The following NMD3 variants were observed in gnomAD, a reference collection of about 807,000 sequenced individuals.
NMD3 encodes the protein 60S ribosomal export protein NMD3.
NMD3 carries 47 observed loss-of-function variants against 73.1 expected under a neutral mutation model. The observed-to-expected ratio is 0.64, with a 90% CI of 0.51 to 0.82. NMD3 has a LOEUF of 0.82. NMD3 is among the 40% of genes least tolerant of loss of function. The pLI is 0.00. For synonymous variants in NMD3, 210 were observed against 194.5 expected, an observed-to-expected ratio of 1.08 and a Z score of -0.66; for missense variants, 554 against 612.5, an observed-to-expected ratio of 0.90 and a Z score of 1.01.
Position 161,238,590 on chromosome 3 carries a change from A to T in NMD3, c.657-140A>T, listed in dbSNP as rs533503833. Reference sequence around the variant, plus strand: ...TTTTGACATGCAAGTGCAGGACAGTAGGTTTTACCAGAGGAGGCATCATGA... The same window carrying T: ...TTTTGACATGCAAGTGCAGGACAGTTGGTTTTACCAGAGGAGGCATCATGA... On this transcript the variant is annotated intron_variant, in intron 8 of 15. Transcript: ENST00000351193. 3 of 616,770 alleles carry T rather than the reference A, an allele frequency of 4.9e-6. No individual in the cohort carries two copies. The East Asian group carries it at 8.6e-5, about 18-fold the overall frequency. 38.2% of individuals were successfully genotyped at this position (616,770 alleles called of 1,614,324 possible). A position where few individuals can be genotyped will look rare whatever the true frequency, so the allele number is the denominator to read the frequency against.
chr3:161,251,084 G>T lies in NMD3; in HGVS notation c.*174G>T. On this transcript the variant is annotated 3_prime_UTR_variant, in exon 16 of 16. Transcript: ENST00000351193. The stretch of plus-strand genomic sequence containing the variant: ...ACCACTAAAACAGATGGATAGCTTT[G>T]AGGTTTTAGATAAGGAAAGATTATG... 1 of 493,862 alleles carries T rather than the reference G, an allele frequency of 2.0e-6. No homozygotes were observed. The allele number at this position is 493,862 out of a possible 1,614,324, so 30.6% of individuals were successfully genotyped here. A position where few individuals can be genotyped will look rare whatever the true frequency, so the allele number is the denominator to read the frequency against.
At chr3:161,225,632 C>T (rs1177237152) in intron 3 of NMD3, among the ~76,000 whole-genome samples, 1 of 152,110 alleles carries the variant, frequency 6.6e-6, no homozygotes, top group African/African-American at 2.4e-5. Flanking sequence ...TCAGCATAAA[C>T]AACTTACATC....
At chr3:161,223,719 A>C (rs1736197818) in intron 2 of NMD3, among the ~76,000 whole-genome samples, 1 of 152,220 alleles carries the variant, frequency 6.6e-6, no homozygotes, top group African/African-American at 2.4e-5. Flanking sequence ...CTTAGTATTT[A>C]GAGATGAGGT....
chr3:161,235,591 GAGTT>G (rs1736726825), intron 7 of NMD3, among the ~76,000 whole-genome samples: 1 of 152,202 alleles, frequency 6.6e-6, no homozygotes, highest in South Asian at 2.1e-4. Flanking sequence ...ACATTGAAAA[GAGTT>G]AGAAAGAAAG....
downstream of NMD3, chr3:161,252,935 C>A: frequency 1.9e-6 from 1 of 533,026 alleles, no homozygotes; most frequent in Non-Finnish European, 3.4e-6. Flanking sequence ...CCTGTCTCTA[C>A]TAAAAATGCA....
intron 2 of NMD3, chr3:161,222,928 G>C (rs1655681295): frequency 6.6e-6 from 1 of 152,380 alleles, no homozygotes; most frequent in South Asian, 2.1e-4. Flanking sequence ...AGTTAGCTCA[G>C]TGGGTTTGAA....
At chr3:161,235,241 T>C in intron 7 of NMD3, 29 bp downstream of exon 7, 2 of 1,082,198 alleles carry the variant, frequency 1.8e-6, no homozygotes, top group Non-Finnish European at 2.8e-6. Context: ...GCATTTGAAA[T>C]TATGTCAGAT....
rs149915236 is a variant in NMD3, at chr3:161,245,444, T to G, written c.1018-892T>G. ...AGAAAGTAAATCCTGTTAAATAAAA[T>G]GTAGTCTCCCTGTTAATTGACTTTT... On this transcript the variant is annotated intron_variant, in intron 11 of 15. Transcript: ENST00000351193. Among the ~76,000 whole-genome samples the G allele has an allele frequency of 7.2e-3, 1,102 of 152,050 alleles. 28 individuals carry two copies. Among genetic ancestry groups the G allele is most frequent in the Admixed American group, 0.043 (655 of 15,250 alleles).
intron 6 of NMD3, 81 bp downstream of exon 6, chr3:161,234,936 C>A: frequency 6.9e-7 from 1 of 1,444,164 alleles, no homozygotes; most frequent in South Asian, 1.2e-5. Flanking sequence ...TTTCTAAATC[C>A]AGGGATAGTC....
intron 9 of NMD3, among the ~76,000 whole-genome samples, 196 bp from the exon 10 acceptor site, chr3:161,240,850 T>G (rs529011374): frequency 1.4e-3 from 208 of 147,880 alleles, no homozygotes; most frequent in African/African-American, 4.9e-3. Flanking sequence ...TTTTTTTTTT[T>G]AAAGCATTTT....
At chr3:161,242,185 C>A (rs773224938) in intron 10 of NMD3, among the ~76,000 whole-genome samples, 10 of 152,048 alleles carry the variant, frequency 6.6e-5, no homozygotes, top group Non-Finnish European at 1.5e-4. Context: ...GTGACAGATA[C>A]GTTTCTAAAA....
chr3:161,233,343 T>G (rs527855766), intron 4 of NMD3, 56 bp from the exon 5 acceptor site: 14 of 1,222,472 alleles, frequency 1.1e-5, no homozygotes, highest in South Asian at 1.1e-4. Context: ...TTCTTTCGTG[T>G]TTTTTTTCCT....
At chr3:161,221,925 G>T in intron 1 of NMD3, 69 bp from the exon 2 acceptor site, 1 of 944,200 alleles carries the variant, frequency 1.1e-6, no homozygotes. Context: ...AAAAAGAGGA[G>T]ACTAGGTAAA....
At chr3:161,234,081 A>G (rs73160358) in intron 5 of NMD3, among the ~76,000 whole-genome samples, 36 of 152,092 alleles carry the variant, frequency 2.4e-4, no homozygotes, top group Non-Finnish European at 4.9e-4. Flanking sequence ...GTGATTTCTG[A>G]TCAGTTATGT....
intron 4 of NMD3, among the ~76,000 whole-genome samples, chr3:161,228,827 C>A (rs140943912): frequency 2.0e-5 from 3 of 152,160 alleles, no homozygotes; most frequent in Admixed American, 6.5e-5. Context: ...ATGCAGCGAT[C>A]AAAATAGGTG....
At chr3:161,225,887 T>C (rs374168847) in intron 3 of NMD3, among the ~76,000 whole-genome samples, 9 of 152,168 alleles carry the variant, frequency 5.9e-5, no homozygotes, top group East Asian at 1.9e-4. Flanking sequence ...TACATATATA[T>C]ACACAAACAC....
Sources: gnomAD v4.1 joint callset for allele counts (sites outside exome capture counted in the v4.1 genomes callset) on GRCh38, gnomAD v4.1.1 for gene constraint, MANE v1.5 for transcripts, NCBI Gene and HGNC (gene_info 2026-07-23, HGNC 2026-07-21) for gene names.